TMEM260: variants seen among roughly 807,000 people sequenced by gnomAD.
TMEM260 encodes protein O-mannosyl-transferase TMEM260.
In TMEM260, 82 loss-of-function variants were observed where a neutral mutation model predicts 88.9. That is an observed-to-expected ratio of 0.92 (90% CI 0.77 to 1.11). The LOEUF is 1.11. TMEM260 is among the 50% of genes least tolerant of loss of function. TMEM260 has a pLI of 0.00. For missense variants in TMEM260, 902 were observed against 853.4 expected, an observed-to-expected ratio of 1.06 and a Z score of -0.71; for synonymous variants, 314 against 309.3, an observed-to-expected ratio of 1.02 and a Z score of -0.16.
chr14:56,637,189 G>A (rs894490915), intron 15 of TMEM260, among the ~76,000 whole-genome samples: 1 of 152,194 alleles, frequency 6.6e-6, no homozygotes, highest in Non-Finnish European at 1.5e-5. Context: ...GATAATAAAT[G>A]TATGTTGTTT....
Position 56,595,313 on chromosome 14 carries a change from T to C in TMEM260, c.345-8502T>C, listed in dbSNP as rs142901646. On this transcript the variant is annotated intron_variant, in intron 3 of 15. Coordinates refer to ENST00000261556, the MANE Select transcript of TMEM260 (RefSeq NM_017799.4). ...TTTTTTTTCTAGCTCCAATATGTAGTGTCTTATTGATATGGAGGGTTCATT... is the reference window on the plus strand; with the variant it reads ...TTTTTTTTCTAGCTCCAATATGTAGCGTCTTATTGATATGGAGGGTTCATT... Among the ~76,000 whole-genome samples, 432 of 152,266 alleles carry C rather than the reference T, an allele frequency of 2.8e-3. 3 individuals are homozygous for C. The highest frequency in any genetic ancestry group is 1.0e-2 in the African/African-American group (414 of 41,548).
chr14:56,580,197 C>A, intron 1 of TMEM260, 123 bp downstream of exon 1: 1 of 722,050 alleles, frequency 1.4e-6, no homozygotes, highest in South Asian at 7.3e-5. Context: ...ATCCACCCCC[C>A]TGTGCACAGC....
the TMEM260 span, among the ~76,000 whole-genome samples, chr14:56,660,839 T>C: frequency 6.6e-6 from 1 of 152,216 alleles, no homozygotes; most frequent in Non-Finnish European, 1.5e-5. Flanking sequence ...ATTTTTCTTA[T>C]GTAAACTCTT....
rs988268196 is a variant in TMEM260, at chr14:56,648,343, A to C, written c.*846A>C. 4 of 152,652 alleles carry C rather than the reference A, an allele frequency of 2.6e-5. No individual in the cohort carries two copies. The highest frequency in any genetic ancestry group is 5.9e-5 in the Non-Finnish European group (4 of 68,024). The allele number at this position is 152,652 out of a possible 1,614,324, so 9.5% of individuals were successfully genotyped here. A position where few individuals can be genotyped will look rare whatever the true frequency, so the allele number is the denominator to read the frequency against. On this transcript the variant is annotated 3_prime_UTR_variant, in exon 16 of 16. Transcript: ENST00000261556. The stretch of plus-strand genomic sequence containing the variant: ...TTTTATACATATTACTAAAGAGAAC[A>C]TAGTAAGAAATGCAAATAATAGTTC...
the TMEM260 span, among the ~76,000 whole-genome samples, chr14:56,660,790 G>GTC: frequency 3.7e-4 from 56 of 152,106 alleles, no homozygotes; most frequent in African/African-American, 1.3e-3. Flanking sequence ...TTCTGTCTCT[G>GTC]TCTCGCTCTC....
chr14:56,585,740 C>G (rs1566524916), intron 2 of TMEM260, 21 bp from the exon 3 acceptor site: 2 of 1,608,896 alleles, frequency 1.2e-6, no homozygotes. Flanking sequence ...AACCTTCTAA[C>G]TGTTGCTAAT....
chr14:56,593,277 C>T (rs1885978569), intron 3 of TMEM260: 1 of 150,748 alleles, frequency 6.6e-6, no homozygotes, highest in Admixed American at 6.6e-5. Flanking sequence ...ATCACATCAT[C>T]CTTACTCCAG....
At chr14:56,633,742 A>G (rs935618727) in intron 13 of TMEM260, among the ~76,000 whole-genome samples, 6 of 152,150 alleles carry the variant, frequency 3.9e-5, no homozygotes, top group Non-Finnish European at 8.8e-5. Context: ...ATAGAAAATG[A>G]GTCACTATCT....
intron 5 of TMEM260, among the ~76,000 whole-genome samples, chr14:56,607,979 CTG>C (rs1887019432): frequency 2.0e-5 from 3 of 152,280 alleles, no homozygotes; most frequent in Admixed American, 6.5e-5. Context: ...TATGCAGAAA[CTG>C]TGCAAAAATA....
chr14:56,652,516 A>G (rs1225568428), downstream of TMEM260, among the ~76,000 whole-genome samples: 1 of 151,718 alleles, frequency 6.6e-6, no homozygotes, highest in Non-Finnish European at 1.5e-5. Context: ...AAATTATTAT[A>G]AAAACTCAAG....
rs1890055187 is a variant in TMEM260 at position 56,647,714 on chromosome 14, C to T, written c.*217C>T. ...TGTTTATCCCGTGTTACCAAATTAC[C>T]ATTTCAGTGAGAAGCTTTTGAAAAG... On this transcript the variant is annotated 3_prime_UTR_variant, in exon 16 of 16. Coordinates refer to ENST00000261556, the MANE Select transcript of TMEM260 (RefSeq NM_017799.4). 1.9e-6 allele frequency: 1 copy of T among 520,686 alleles called. No homozygotes were observed. The highest frequency in any genetic ancestry group is 2.7e-5 in the South Asian group (1 of 37,326). 32.3% of individuals were successfully genotyped at this position (520,686 alleles called of 1,614,324 possible).
rs143191260 is a variant in TMEM260 at position 56,603,304 on chromosome 14, C to G, written c.345-511C>G. Among the ~76,000 whole-genome samples, 1,327 of 152,188 alleles carry G rather than the reference C, an allele frequency of 8.7e-3. 9 individuals are homozygous for G. The highest frequency in any genetic ancestry group is 0.016 in the South Asian group (78 of 4,820). ...AATGCACTGTATAAGATATTGAAAT[C>G]ATCAGATATTGTGATCAAGACATTC... On this transcript the variant is annotated intron_variant, in intron 3 of 15. Transcript: ENST00000261556.
At chr14:56,596,794 A>AAAATATATAT (rs59623466) in intron 3 of TMEM260, among the ~76,000 whole-genome samples, 13 of 136,296 alleles carry the variant, frequency 9.5e-5, no homozygotes, top group Middle Eastern at 4.2e-3. Context: ...TAAAAAAAAA[A>AAAATATATAT]ATATATATAT....
At chr14:56,603,453 G>T (rs766704077) in intron 3 of TMEM260, among the ~76,000 whole-genome samples, 1 of 151,960 alleles carries the variant, frequency 6.6e-6, no homozygotes, top group Non-Finnish European at 1.5e-5. Context: ...CAAACATTTA[G>T]GTCTTAACTA....
downstream of TMEM260, among the ~76,000 whole-genome samples, chr14:56,652,656 G>A (rs922559037): frequency 5.9e-5 from 9 of 152,034 alleles, no homozygotes; most frequent in Non-Finnish European, 1.2e-4. Context: ...AAAACAGTTC[G>A]TTCTTAAAAG....
chr14:56,650,091 C>G (rs1890173996), downstream of TMEM260: 1 of 455,558 alleles, frequency 2.2e-6, no homozygotes, highest in Non-Finnish European at 4.4e-6. Flanking sequence ...TCCATAAAAT[C>G]TGATAAAAGG....
chr14:56,657,524 G>T, the TMEM260 span, among the ~76,000 whole-genome samples: 1 of 152,080 alleles, frequency 6.6e-6, no homozygotes, highest in African/African-American at 2.4e-5. Flanking sequence ...GTTTTCAGAG[G>T]GGAACCAGAC....
chr14:56,654,539 G>A (rs1040995198), downstream of TMEM260, among the ~76,000 whole-genome samples: 1 of 151,276 alleles, frequency 6.6e-6, no homozygotes, highest in Non-Finnish European at 1.5e-5. Context: ...TGAATGTCAG[G>A]CGGGTGCAGT....
chr14:56,608,078 A>G (rs1279936422), intron 5 of TMEM260, among the ~76,000 whole-genome samples: 2 of 152,196 alleles, frequency 1.3e-5, no homozygotes, highest in African/African-American at 4.8e-5. Context: ...TCATGCCATC[A>G]TTTTTTATGC....
Sources: allele counts gnomAD v4.1 joint callset (sites outside exome capture counted in the v4.1 genomes callset), GRCh38; gene constraint gnomAD v4.1.1; transcripts MANE v1.5; gene names NCBI Gene and HGNC (gene_info 2026-07-23, HGNC 2026-07-21).